RCSD1: variants seen among roughly 807,000 people sequenced by gnomAD.
The protein encoded by RCSD1 is capZ-interacting protein.
In RCSD1, 26 loss-of-function variants were observed where a neutral mutation model predicts 42.5. That is an observed-to-expected ratio of 0.61 (90% confidence interval 0.45 to 0.85). The LOEUF is 0.85. Among genes scored for constraint, RCSD1 ranks in the 40% least tolerant of loss-of-function variants. RCSD1 has a pLI of 0.00. For missense variants in RCSD1, 571 were observed against 528.3 expected, an observed-to-expected ratio of 1.08 and a Z score of -0.79; for synonymous variants, 220 against 212.2, an observed-to-expected ratio of 1.04 and a Z score of -0.32.
chr1:167,697,886 C>G, intron 6 of RCSD1, 44 bp downstream of exon 6: 5 of 1,442,184 alleles, frequency 3.5e-6, no homozygotes, highest in Non-Finnish European at 4.5e-6. Context: ...AGTGCCAGGG[C>G]CAGTGTGTGC....
intron 1 of RCSD1, among the ~76,000 whole-genome samples, chr1:167,673,837 C>T (rs921100247): frequency 2.0e-5 from 3 of 152,210 alleles, no homozygotes; most frequent in Non-Finnish European, 4.4e-5. Context: ...CTTCTCCCCT[C>T]ATGCCCACCT....
intron 1 of RCSD1, among the ~76,000 whole-genome samples, chr1:167,680,202 C>T (rs535610203): frequency 6.6e-6 from 1 of 151,854 alleles, no homozygotes; most frequent in Non-Finnish European, 1.5e-5. Context: ...GAGATGAGTG[C>T]AGAAAACAGA....
chr1:167,701,258 TTC>T (rs1228652826), intron 6 of RCSD1, among the ~76,000 whole-genome samples: 1 of 110,442 alleles, frequency 9.1e-6, no homozygotes, highest in African/African-American at 4.5e-5. Context: ...CCTAGTTTCT[TTC>T]TTTCTTTCTT....
At chr1:167,703,834 A>G (rs1461583473) in intron 6 of RCSD1, among the ~76,000 whole-genome samples, 1 of 152,118 alleles carries the variant, frequency 6.6e-6, no homozygotes, top group Non-Finnish European at 1.5e-5. Flanking sequence ...AAATGCCTGC[A>G]CTGCCAGCTG....
At chr1:167,702,594 C>T (rs564160038) in intron 6 of RCSD1, among the ~76,000 whole-genome samples, 5 of 152,228 alleles carry the variant, frequency 3.3e-5, no homozygotes, top group Admixed American at 2.0e-4. Context: ...GCCTGGCCAA[C>T]ATGGTGAAAC....
At chr1:167,695,027 A>T (rs894014711) in intron 5 of RCSD1, among the ~76,000 whole-genome samples, 29 of 152,170 alleles carry the variant, frequency 1.9e-4, no homozygotes, top group Admixed American at 1.3e-4. Context: ...CTTAAAATTA[A>T]TGATGGAGAA....
At chr1:167,658,771 T>C (rs1195829863) in intron 1 of RCSD1, among the ~76,000 whole-genome samples, 1 of 152,042 alleles carries the variant, frequency 6.6e-6, no homozygotes, top group Admixed American at 6.6e-5. Flanking sequence ...ACCTGTTATG[T>C]GGATGGGCCA....
intron 2 of RCSD1, among the ~76,000 whole-genome samples, 160 bp from the exon 3 acceptor site, chr1:167,685,261 C>T (rs1571095805): frequency 6.6e-6 from 1 of 152,284 alleles, no homozygotes; most frequent in Middle Eastern, 3.4e-3. Flanking sequence ...ACGCAGTTCC[C>T]TTCCTCCATT....
intron 1 of RCSD1, among the ~76,000 whole-genome samples, chr1:167,682,960 G>C (rs1354882708): frequency 6.6e-6 from 1 of 152,174 alleles, no homozygotes; most frequent in Non-Finnish European, 1.5e-5. Context: ...TTCAAACCAA[G>C]TGGTTATGTA....
At chr1:167,676,159 C>G (rs964953627) in intron 1 of RCSD1, among the ~76,000 whole-genome samples, 9 of 152,178 alleles carry the variant, frequency 5.9e-5, no homozygotes, top group African/African-American at 2.2e-4. Context: ...GAGGCACGGA[C>G]AAGTTAGGTA....
chr1:167,694,873 G>T (rs1030952583), intron 5 of RCSD1, among the ~76,000 whole-genome samples: 1 of 152,152 alleles, frequency 6.6e-6, no homozygotes, highest in African/African-American at 2.4e-5. Context: ...CTCTGTGTGA[G>T]CTTTCATCAC....
At chr1:167,684,495 G>A (rs908469789) in intron 2 of RCSD1, among the ~76,000 whole-genome samples, 19 of 151,760 alleles carry the variant, frequency 1.3e-4, no homozygotes, top group South Asian at 4.2e-4. Flanking sequence ...GACCAGTAGA[G>A]GAAAGTGTGA....
chr1:167,700,752 T>C (rs1659618098), intron 6 of RCSD1, among the ~76,000 whole-genome samples: 1 of 152,156 alleles, frequency 6.6e-6, no homozygotes, highest in African/African-American at 2.4e-5. Context: ...CCACCAGGTC[T>C]AGAGAAGGCA....
chr1:167,635,678 T>C (rs1657826799), intron 1 of RCSD1, among the ~76,000 whole-genome samples: 1 of 152,156 alleles, frequency 6.6e-6, no homozygotes. Context: ...GTAATAATAT[T>C]TAAGTCTGTG....
chr1:167,663,850 G>A (rs1658594526), intron 1 of RCSD1: 1 of 152,206 alleles, frequency 6.6e-6, no homozygotes. Flanking sequence ...TAAAATGAGG[G>A]GAGAGCTTAT....
rs966726844 is a variant in RCSD1, at chr1:167,696,063, T to G, written c.475-1036T>G. On this transcript the variant is annotated intron_variant, in intron 5 of 6. Transcript: ENST00000367854. ...ATCTGGCTGCTCAGGTTTCCCAGTATCCGCCAACTTCACGGGGGCAGGAAG... is the reference window on the plus strand; with the variant it reads ...ATCTGGCTGCTCAGGTTTCCCAGTAGCCGCCAACTTCACGGGGGCAGGAAG... 7.9e-5 allele frequency among the ~76,000 whole-genome samples: 12 copies of G among 152,138 alleles called. No individual in the cohort carries two copies. The East Asian group carries it at 2.3e-3, about 29-fold the overall frequency.
chr1:167,695,027 A>G (rs894014711), intron 5 of RCSD1, among the ~76,000 whole-genome samples: 2 of 152,170 alleles, frequency 1.3e-5, no homozygotes, highest in African/African-American at 2.4e-5. Context: ...CTTAAAATTA[A>G]TGATGGAGAA....
intron 5 of RCSD1, 63 bp downstream of exon 5, chr1:167,694,365 A>AT: frequency 6.9e-7 from 1 of 1,454,920 alleles, no homozygotes; most frequent in Non-Finnish European, 9.5e-7. Flanking sequence ...GCACCCCTGA[A>AT]TTTTCTCTAC....
At chr1:167,639,294 G>A (rs1327487947) in intron 1 of RCSD1, among the ~76,000 whole-genome samples, 9 of 152,144 alleles carry the variant, frequency 5.9e-5, no homozygotes, top group African/African-American at 1.9e-4. Context: ...ACACTAGGAC[G>A]CCTTTGACCC....
Sources: gnomAD v4.1 joint callset for allele counts (sites outside exome capture counted in the v4.1 genomes callset) on GRCh38, gnomAD v4.1.1 for gene constraint, MANE v1.5 for transcripts, NCBI Gene and HGNC (gene_info 2026-07-23, HGNC 2026-07-21) for gene names.